The following ANK2 variants were observed in gnomAD, a reference collection of about 807,000 sequenced individuals.
ANK2 encodes ankyrin-2.
In ANK2, 83 loss-of-function variants were observed where a neutral mutation model predicts 360.5. The observed-to-expected ratio is 0.23, with a 90% CI of 0.19 to 0.28. The LOEUF is 0.28. Among genes scored for constraint, ANK2 ranks in the 10% least tolerant of loss-of-function variants. ANK2 has a pLI of 1.00. For synonymous variants in ANK2, 1,740 were observed against 1,759.5 expected, an observed-to-expected ratio of 0.99 and a Z score of 0.28; for missense variants, 4,201 against 4,795.7, an observed-to-expected ratio of 0.88 and a Z score of 3.66.
chr4:113,000,365 G>A (rs12501777), intron 2 of ANK2, among the ~76,000 whole-genome samples: 18,276 of 152,116 alleles, frequency 0.12, 1,271 homozygotes, highest in East Asian at 0.23. Flanking sequence ...TTTATGTCCT[G>A]CTTTTAAGTG....
intron 1 of ANK2, among the ~76,000 whole-genome samples, chr4:112,890,221 G>A (rs745357292): frequency 2.0e-5 from 3 of 152,088 alleles, no homozygotes; most frequent in Non-Finnish European, 4.4e-5. Flanking sequence ...TTTCACAGTG[G>A]GAGAAAGAGA....
At chr4:112,791,241 C>A in the ANK2 span, among the ~76,000 whole-genome samples, 1 of 152,096 alleles carries the variant, frequency 6.6e-6, no homozygotes, top group African/African-American at 2.4e-5. Context: ...TGGTGAGCCA[C>A]CTGTCTGGAA....
At chr4:113,090,386 A>T (rs1351136990) in intron 1 of ANK2, among the ~76,000 whole-genome samples, 1 of 152,206 alleles carries the variant, frequency 6.6e-6, no homozygotes, top group East Asian at 1.9e-4. Context: ...TATGAAACAG[A>T]TATCCTCTTG....
chr4:112,979,673 A>G (rs2154270547), intron 2 of ANK2: 1 of 152,460 alleles, frequency 6.6e-6, no homozygotes, highest in Non-Finnish European at 1.5e-5. Context: ...GCGACAGAAC[A>G]GTTATCAGGA....
chr4:113,247,064 A>C (rs867196991), intron 9 of ANK2, among the ~76,000 whole-genome samples: 3 of 152,070 alleles, frequency 2.0e-5, no homozygotes, highest in Non-Finnish European at 4.4e-5. Context: ...TAAAGAAACT[A>C]CATAAGTGGC....
chr4:112,888,004 G>A (rs1458884009), intron 1 of ANK2, among the ~76,000 whole-genome samples: 4 of 152,078 alleles, frequency 2.6e-5, no homozygotes, highest in African/African-American at 9.7e-5. Flanking sequence ...AGAAAAGCCT[G>A]CAGAGTTTTA....
intron 2 of ANK2, among the ~76,000 whole-genome samples, chr4:113,011,500 T>C (rs528933929): frequency 6.6e-6 from 1 of 152,202 alleles, no homozygotes; most frequent in African/African-American, 2.4e-5. Flanking sequence ...TATACAGAAT[T>C]GGACAGAGAG....
At chr4:113,101,176 CA>C (rs1427757478) in intron 1 of ANK2, among the ~76,000 whole-genome samples, 1 of 152,046 alleles carries the variant, frequency 6.6e-6, no homozygotes, top group Non-Finnish European at 1.5e-5. Context: ...AAATCAACAA[CA>C]AAAACATTTT....
At chr4:113,187,215 AAG>A (rs2098548092) in intron 2 of ANK2, among the ~76,000 whole-genome samples, 1 of 152,214 alleles carries the variant, frequency 6.6e-6, no homozygotes, top group African/African-American at 2.4e-5. Context: ...CCTTGGGAAA[AAG>A]AGAATTTGCA....
chr4:113,258,258 G>T (rs1350226802), intron 12 of ANK2, 55 bp from the exon 13 acceptor site: 2 of 1,589,988 alleles, frequency 1.3e-6, no homozygotes, highest in African/African-American at 2.7e-5. Flanking sequence ...ATCTGAAGAA[G>T]CCCCAAAGCC....
chr4:113,019,929 A>G (rs2057622168), intron 2 of ANK2, among the ~76,000 whole-genome samples: 2 of 152,026 alleles, frequency 1.3e-5, no homozygotes, highest in Admixed American at 6.6e-5. Flanking sequence ...AACTGTATAG[A>G]TAAGGGGCAA....
chr4:113,031,171 A>G (rs1329224388), intron 2 of ANK2: 1 of 152,074 alleles, frequency 6.6e-6, no homozygotes, highest in African/African-American at 2.4e-5. Context: ...ACTCTTTAAA[A>G]TATATTACAA....
chr4:112,821,670 A>T (rs1002388948), intron 1 of ANK2, among the ~76,000 whole-genome samples: 1 of 151,446 alleles, frequency 6.6e-6, no homozygotes, highest in Non-Finnish European at 1.5e-5. Context: ...GCTGTCTTCT[A>T]CCCTAATTAA....
rs76542836 is a variant in ANK2 at position 113,122,632 on chromosome 4, A to C, written c.85-51784A>C. Among the ~76,000 whole-genome samples, 1,388 of 152,210 alleles carry C rather than the reference A, an allele frequency of 9.1e-3. 32 individuals carry two copies. Among genetic ancestry groups the C allele is most frequent in the African/African-American group, 0.032 (1,327 of 41,550 alleles). On this transcript the variant is annotated intron_variant, in intron 1 of 45. Coordinates refer to ENST00000357077, the MANE Select transcript of ANK2 (RefSeq NM_001148.6). ...TGGACAGATGCTCTTCTTATGTCTTAGTGTCTACTTATATGTGAAAATTCA... is the reference window on the plus strand; with the variant it reads ...TGGACAGATGCTCTTCTTATGTCTTCGTGTCTACTTATATGTGAAAATTCA...
chr4:113,303,829 T>G (rs2076048897), intron 23 of ANK2, among the ~76,000 whole-genome samples: 2 of 152,230 alleles, frequency 1.3e-5, no homozygotes, highest in Admixed American at 1.3e-4. Context: ...TTTGAAAAAT[T>G]ATTGCTATTA....
At chr4:113,069,653 A>ACC (rs2076858123) in intron 1 of ANK2, among the ~76,000 whole-genome samples, 1 of 152,242 alleles carries the variant, frequency 6.6e-6, no homozygotes, top group Non-Finnish European at 1.5e-5. Context: ...CATCATTGAT[A>ACC]CTAAACTTTT....
Position 113,314,892 on chromosome 4 carries a change from A to G in ANK2, c.2694-2815A>G, listed in dbSNP as rs550033208. On this transcript the variant is annotated intron_variant, in intron 24 of 45. Transcript: ENST00000357077. ...TCAGAAGGCAGTAAGTAAGTAGAGGAGGCTAGAATACAACCCATAGAAAGG... is the reference window on the plus strand; with the variant it reads ...TCAGAAGGCAGTAAGTAAGTAGAGGGGGCTAGAATACAACCCATAGAAAGG... 5.9e-5 allele frequency among the ~76,000 whole-genome samples: 9 copies of G among 152,320 alleles called. 1 individual carries two copies. Among genetic ancestry groups the G allele is most frequent in the Admixed American group, 5.9e-4 (9 of 15,300 alleles).
the ANK2 span, among the ~76,000 whole-genome samples, chr4:112,763,512 G>T: frequency 1.4e-5 from 2 of 147,676 alleles, no homozygotes; most frequent in Non-Finnish European, 3.0e-5. Flanking sequence ...GATTATAAGC[G>T]TGAGCCACAG....
At chr4:113,219,514 A>T (rs2099125739) in intron 4 of ANK2, among the ~76,000 whole-genome samples, 1 of 152,076 alleles carries the variant, frequency 6.6e-6, no homozygotes, top group Non-Finnish European at 1.5e-5. Context: ...ACAAAAAACA[A>T]TGAAGAAAAG....
Sources: allele counts gnomAD v4.1 joint callset (sites outside exome capture counted in the v4.1 genomes callset), GRCh38; gene constraint gnomAD v4.1.1; transcripts MANE v1.5; gene names NCBI Gene and HGNC (gene_info 2026-07-23, HGNC 2026-07-21).